Variants in PAK2 observed in about 807,000 individuals in gnomAD.
PAK2 encodes the protein p21 (RAC1) activated kinase 2, also known as serine/threonine-protein kinase PAK 2.
Under a neutral mutation model 65.9 loss-of-function variants are expected in PAK2, and 21 were observed. That is an observed-to-expected ratio of 0.32 (90% CI 0.23 to 0.46). The LOEUF (loss-of-function observed/expected upper bound fraction) is 0.46, where lower values mean the gene tolerates loss of function less well. Ranked by LOEUF, PAK2 falls within the 20% of genes least tolerant of loss-of-function variation. The pLI is 1.00. For missense variants in PAK2, 324 were observed against 642.6 expected (o/e 0.50, Z 5.36); for synonymous variants, 204 against 219.7 (o/e 0.93, Z 0.63).
At chr3:196,798,252 A>G (rs1377285554) in intron 2 of PAK2, among the ~76,000 whole-genome samples, 3 of 152,188 alleles carry the variant, frequency 2.0e-5, no homozygotes, top group African/African-American at 7.2e-5. Context: ...ACACATTACC[A>G]ATATTGAGAA....
chr3:196,812,141 G>A (rs1715848840), intron 8 of PAK2, 78 bp from the exon 9 acceptor site: 2 of 828,582 alleles, frequency 2.4e-6, no homozygotes, highest in Admixed American at 3.6e-5. Context: ...TCAATTGCTT[G>A]AAGTGTAAAG....
intron 2 of PAK2, 63 bp downstream of exon 2, chr3:196,782,896 T>C: frequency 9.0e-7 from 1 of 1,106,696 alleles, no homozygotes; most frequent in Non-Finnish European, 1.3e-6. Context: ...TTACCCATGT[T>C]GATAACTTTT....
chr3:196,741,461 G>T (rs567914584), intron 1 of PAK2, among the ~76,000 whole-genome samples: 1 of 152,332 alleles, frequency 6.6e-6, no homozygotes, highest in Non-Finnish European at 1.5e-5. Flanking sequence ...TAGGAGTATG[G>T]ATTTCAGGCA....
chr3:196,776,105 T>C (rs1714526690), intron 1 of PAK2, among the ~76,000 whole-genome samples: 1 of 152,192 alleles, frequency 6.6e-6, no homozygotes, highest in African/African-American at 2.4e-5. Context: ...TCAAAACCTT[T>C]TTCCGAATAT....
At chr3:196,759,498 G>GTTTGTTTTT (rs1713881954) in intron 1 of PAK2, among the ~76,000 whole-genome samples, 2 of 108,162 alleles carry the variant, frequency 1.8e-5, no homozygotes, top group South Asian at 3.0e-4. Context: ...GGTTTTTTTT[G>GTTTGTTTTT]TTTTTTTTTT....
chr3:196,765,928 C>G (rs1001811445), intron 1 of PAK2, among the ~76,000 whole-genome samples: 1 of 147,316 alleles, frequency 6.8e-6, no homozygotes, highest in Admixed American at 6.8e-5. Flanking sequence ...TAGACGGAGT[C>G]TTGCTCTGTT....
intron 3 of PAK2, 44 bp downstream of exon 3, chr3:196,802,071 C>T (rs373513335): frequency 5.2e-6 from 5 of 957,520 alleles, no homozygotes; most frequent in African/African-American, 1.6e-5. Context: ...TTTAAAATAG[C>T]ACTCAAACAT....
rs185773506 is a variant in PAK2, at chr3:196,788,096, T to C, written c.187+5263T>C. Among the ~76,000 whole-genome samples, 32 of 152,362 alleles carry C rather than the reference T, an allele frequency of 2.1e-4. No homozygotes were observed. In the East Asian group the frequency reaches 6.2e-3, roughly 29 times the overall value. On this transcript the variant is annotated intron_variant, in intron 2 of 14. Coordinates refer to ENST00000327134, the MANE Select transcript of PAK2 (RefSeq NM_002577.4). ...ACATCCTAACTGCTGCTTCTCTCGC[T>C]AGTCTTATGCTAATTGCTTTTCATT...
In PAK2 at chr3:196,814,437, T is replaced by C. The variant is rs534377129; in HGVS notation, c.936-14T>C. ...AATAAAAGTGTGACTGTATTTGGTA[T>C]GTTGTATTTTTAGTTACCTGGTAGG... On this transcript the variant is annotated splice_polypyrimidine_tract_variant and intron_variant, in intron 10 of 14. Coordinates refer to ENST00000327134, the MANE Select transcript of PAK2 (RefSeq NM_002577.4). The C allele has an allele frequency of 1.2e-4, 107 of 904,470 alleles. 1 individual carries two copies. Among genetic ancestry groups the C allele is most frequent in the Non-Finnish European group, 1.8e-4 (103 of 557,100 alleles). The allele number at this position is 904,470 out of a possible 1,614,324, so 56.0% of individuals were successfully genotyped here.
intron 8 of PAK2, 76 bp downstream of exon 8, chr3:196,810,729 G>T: frequency 1.3e-6 from 1 of 797,658 alleles, no homozygotes. Flanking sequence ...TGTTTATTTT[G>T]CCTGCCGACA....
At chr3:196,787,404 C>T (rs1282375022) in intron 2 of PAK2, among the ~76,000 whole-genome samples, 2 of 151,862 alleles carry the variant, frequency 1.3e-5, no homozygotes, top group South Asian at 2.1e-4. Context: ...CAAGGTGAAA[C>T]GCCATCTCTA....
At chr3:196,793,888 T>TG (rs1160898663) in intron 2 of PAK2, among the ~76,000 whole-genome samples, 1 of 152,178 alleles carries the variant, frequency 6.6e-6, no homozygotes, top group Non-Finnish European at 1.5e-5. Flanking sequence ...CCCAGCACTT[T>TG]GGGAAGCCAA....
At position 196,812,860 on chromosome 3, in the gene PAK2, G is replaced by T; in HGVS notation, c.935+9G>T. On this transcript the variant is annotated intron_variant, in intron 10 of 14. Transcript: ENST00000327134. The stretch of plus-strand genomic sequence containing the variant: ...GTTAACTTTTTGGACAGGTAAGTAT[G>T]ACTATTCCTTAAACACCGGGAGAAA... 1 of 1,162,744 alleles carries T rather than the reference G, an allele frequency of 8.6e-7. No homozygotes were observed. Among genetic ancestry groups the T allele is most frequent in the South Asian group, 1.2e-5 (1 of 80,226 alleles). The allele number at this position is 1,162,744 out of a possible 1,614,324, so 72.0% of individuals were successfully genotyped here. A position where few individuals can be genotyped will look rare whatever the true frequency, so the allele number is the denominator to read the frequency against.
chr3:196,809,334 G>GTTA (rs928491813), intron 7 of PAK2, among the ~76,000 whole-genome samples: 9 of 130,794 alleles, frequency 6.9e-5, no homozygotes, highest in Non-Finnish European at 1.3e-4. Flanking sequence ...CTCTTACTCT[G>GTTA]TTATTATTAT....
chr3:196,773,095 A>C (rs759096678), intron 1 of PAK2, among the ~76,000 whole-genome samples: 2 of 152,118 alleles, frequency 1.3e-5, no homozygotes, highest in African/African-American at 2.4e-5. Context: ...TCAGCAGACA[A>C]TTGAGGAATT....
At chr3:196,811,174 T>C in intron 8 of PAK2, among the ~76,000 whole-genome samples, 2 of 148,694 alleles carry the variant, frequency 1.3e-5, no homozygotes, top group East Asian at 2.0e-4. Context: ...AAGCCATTTT[T>C]GAAAACTTCC....
chr3:196,808,045 C>A (rs1282277993), intron 7 of PAK2, 131 bp downstream of exon 7: 2 of 782,456 alleles, frequency 2.6e-6, no homozygotes, highest in Non-Finnish European at 4.0e-6. Context: ...CTTATAGCAA[C>A]AGTAGCTTCA....
chr3:196,780,489 A>T (rs78015011), intron 1 of PAK2, among the ~76,000 whole-genome samples: 3,470 of 152,280 alleles, frequency 0.023, 140 homozygotes, highest in African/African-American at 0.078. Context: ...ATCACGTGAG[A>T]TGTACTCCCT....
At chr3:196,766,515 C>T (rs907773248) in intron 1 of PAK2, among the ~76,000 whole-genome samples, 6 of 152,156 alleles carry the variant, frequency 3.9e-5, no homozygotes, top group Non-Finnish European at 7.4e-5. Context: ...GTGCATATGT[C>T]GTCTACAAAG....
Sources: allele counts gnomAD v4.1 joint callset (sites outside exome capture counted in the v4.1 genomes callset), GRCh38; gene constraint gnomAD v4.1.1; transcripts MANE v1.5; gene names NCBI Gene and HGNC (gene_info 2026-07-23, HGNC 2026-07-21).